The following PTGIR variants were observed in gnomAD, a reference collection of about 807,000 sequenced individuals.
PTGIR encodes the protein prostacyclin receptor.
A neutral mutation model predicts 17.6 loss-of-function variants in PTGIR; 16 were observed. That is an observed-to-expected ratio of 0.91 (90% CI 0.61 to 1.38). The LOEUF (loss-of-function observed/expected upper bound fraction) is 1.38. Among genes scored for constraint, PTGIR ranks in the 40% most tolerant of loss-of-function variants. PTGIR has a pLI of 0.00. For synonymous variants in PTGIR, 274 were observed against 255.4 expected, an observed-to-expected ratio of 1.07 and a Z score of -0.69; for missense variants, 532 against 548.6, an observed-to-expected ratio of 0.97 and a Z score of 0.30.
chr19:46,611,960 G>A, the PTGIR span, among the ~76,000 whole-genome samples: 1 of 152,242 alleles, frequency 6.6e-6, no homozygotes, highest in Non-Finnish European at 1.5e-5. Context: ...GGGAAGCCTG[G>A]CCCAATCCCA....
Position 46,624,178 on chromosome 19 carries a change from C to T in PTGIR, c.48G>A (p.Gly16=), listed in dbSNP as rs201794414. 6.7e-7 allele frequency: 1 copy of T among 1,482,396 alleles called. No individual in the cohort carries two copies. The highest frequency in any genetic ancestry group is 8.9e-7 in the Non-Finnish European group (1 of 1,123,568). 91.8% of individuals were successfully genotyped at this position (1,482,396 alleles called of 1,614,324 possible). The stretch of plus-strand genomic sequence containing the variant: ...CGAACATCAGGGTGCTGGTGGCCGG[C>T]CCCACCGAGCCCCGCACGTAGGTGA... The part of the protein sequence containing the change: ...RNLTYVRGSV[G]PATSTLMFVA... The change falls in exon 2 of 3, where the codon GGG becomes GGA. Residue 16 remains glycine, a synonymous_variant. Coordinates refer to ENST00000291294, the MANE Select transcript of PTGIR (RefSeq NM_000960.4).
chr19:46,617,777 C>T (rs1329728413), downstream of PTGIR, among the ~76,000 whole-genome samples: 3 of 151,410 alleles, frequency 2.0e-5, no homozygotes, highest in Non-Finnish European at 2.9e-5. Context: ...TTTGGCCAGG[C>T]GTGGTGACAA....
the PTGIR span, chr19:46,610,858 C>G: frequency 6.5e-6 from 1 of 152,830 alleles, no homozygotes; most frequent in African/African-American, 2.4e-5. Context: ...CCAGCACTGA[C>G]TCCTTTGGCC....
chr19:46,616,772 C>G (rs1475118729), downstream of PTGIR, among the ~76,000 whole-genome samples: 1 of 152,246 alleles, frequency 6.6e-6, no homozygotes, highest in Admixed American at 6.5e-5. Context: ...CTGTCTCCCC[C>G]ACCAAACTGA....
rs894128032 is a variant in PTGIR at position 46,620,558 on chromosome 19, G to A, written c.*722C>T. On this transcript the variant is annotated 3_prime_UTR_variant, in exon 3 of 3. Coordinates refer to ENST00000291294, the MANE Select transcript of PTGIR (RefSeq NM_000960.4). ...TGTTCTGGGGCAGTCCCTGGGATCC[G>A]CAGCCCCCACCCTTCATCTGCCAGC... is the stretch of plus-strand genomic sequence containing the variant. 10 of 985,236 alleles carry A rather than the reference G, an allele frequency of 1.0e-5. No homozygotes were observed. The Admixed American group carries it at 1.8e-4, about 18-fold the overall frequency. 61.0% of individuals were successfully genotyped at this position (985,236 alleles called of 1,614,324 possible).
intron 1 of PTGIR, chr19:46,624,444 TTCTC>T: frequency 2.2e-6 from 1 of 446,482 alleles, no homozygotes; most frequent in Non-Finnish European, 3.9e-6. Flanking sequence ...CTGTTTCTCT[TTCTC>T]TCTTTCTTTT....
At chr19:46,616,767 T>G (rs1971968313), downstream of PTGIR, among the ~76,000 whole-genome samples, 1 of 152,080 alleles carries the variant, frequency 6.6e-6, no homozygotes, top group Non-Finnish European at 1.5e-5. Flanking sequence ...CAGGGCTGTC[T>G]CCCCCACCAA....
Position 46,623,742 on chromosome 19 carries a change from G to A in PTGIR, c.484C>T (p.Gln162Ter). The change falls in exon 2 of 3, where the codon CAG becomes TAG. Residue 162 changes from glutamine to a stop codon, truncating the protein, a stop_gained. Coordinates refer to ENST00000291294, the MANE Select transcript of PTGIR (RefSeq NM_000960.4). LOFTEE classifies it high-confidence loss of function. ...CACCAGCTGCCGGGGCAGTACTGCT[G>A]GTGTTGGCCCAGGCCCAGCAGGGGC... is the stretch of plus-strand genomic sequence containing the variant. ...ALPLLGLGQH[Q>*]QYCPGSWCFL... 2 of 1,597,292 alleles carry A rather than the reference G, an allele frequency of 1.3e-6. No individual in the cohort carries two copies. Among genetic ancestry groups the A allele is most frequent in the Non-Finnish European group, 1.7e-6 (2 of 1,175,084 alleles).
downstream of PTGIR, among the ~76,000 whole-genome samples, chr19:46,617,844 CTT>C (rs61603656): frequency 3.7e-4 from 51 of 138,498 alleles, no homozygotes; most frequent in African/African-American, 1.3e-3. Context: ...TTAACAAGGG[CTT>C]TTTTTTTTTT....
downstream of PTGIR, among the ~76,000 whole-genome samples, chr19:46,619,117 C>A (rs1311406029): frequency 6.6e-6 from 1 of 152,098 alleles, no homozygotes. Context: ...GATAGACGGG[C>A]CTGCTCCAAG....
At position 46,621,582 on chromosome 19, in the gene PTGIR, G is replaced by C. The variant is rs752102069; in HGVS notation, c.859C>G (p.Leu287Val). ...AFRFYAFNPILDPWVFILFRK... is the reference protein window; with the variant it reads ...AFRFYAFNPIVDPWVFILFRK... ...AAAAGGATGAAGACCCAGGGGTCCA[G>C]GATGGGGTTGAAGGCGTAGAAGCGG... is the stretch of plus-strand genomic sequence containing the variant. Residue 287 changes from leucine to valine, a missense_variant, in exon 3 of 3, where the codon CTG becomes GTG. By Grantham distance (32) the Leu-to-Val change is conservative. Coordinates refer to ENST00000291294, the MANE Select transcript of PTGIR (RefSeq NM_000960.4). This position sits in a 1 kb window ranked among gnomAD's most constrained non-coding sequence, Gnocchi z 4.8. 4 of 1,613,884 alleles carry C rather than the reference G, an allele frequency of 2.5e-6. No homozygotes were observed. The highest frequency in any genetic ancestry group is 2.5e-6 in the Non-Finnish European group (3 of 1,180,060).
downstream of PTGIR, among the ~76,000 whole-genome samples, chr19:46,616,326 CT>C (rs1021116711): frequency 9.5e-3 from 631 of 66,526 alleles, 2 homozygotes; most frequent in Non-Finnish European, 0.011. Flanking sequence ...GACAGAAATG[CT>C]TTTTTTTTTT....
chr19:46,619,551 G>GAAAGAA (rs1568675534), downstream of PTGIR, among the ~76,000 whole-genome samples: 529 of 66,324 alleles, frequency 8.0e-3, 1 homozygote, highest in Middle Eastern at 0.013. Flanking sequence ...GAAAGAAAGA[G>GAAAGAA]AGAGAGAGAG....
downstream of PTGIR, among the ~76,000 whole-genome samples, chr19:46,615,705 A>C (rs2122291714): frequency 6.6e-6 from 1 of 151,410 alleles, no homozygotes; most frequent in African/African-American, 2.4e-5. Flanking sequence ...ACGGGGTTTC[A>C]CTGTGTTAGC....
At position 46,621,648 on chromosome 19, in the gene PTGIR, C is replaced by T. The variant is rs200508770; in HGVS notation, c.793G>A (p.Ala265Thr). 101 of 1,612,566 alleles carry T rather than the reference C, an allele frequency of 6.3e-5. No homozygotes were observed. Among genetic ancestry groups the T allele is most frequent in the Non-Finnish European group, 8.2e-5 (97 of 1,179,618 alleles). Residue 265 changes from alanine (A) to threonine (T), a missense_variant, in exon 3 of 3, where the codon GCC (alanine) becomes ACC (threonine). Transcript: ENST00000291294. The surrounding 1 kb of genome is among the most constrained non-coding windows in gnomAD (Gnocchi z 4.8). Reference sequence around the variant, plus strand: ...CCCATCTCACTGCTGCTGTCAGGGGCGACAGCCTGGGTGAAGCAGCGGATC... The same window carrying T: ...CCCATCTCACTGCTGCTGTCAGGGGTGACAGCCTGGGTGAAGCAGCGGATC... ...LTIRCFTQAV[A>T]PDSSSEMGDL...
chr19:46,624,354 C>CCAGTTCT (rs1386552656), intron 1 of PTGIR, 117 bp from the exon 2 acceptor site: 3 of 951,760 alleles, frequency 3.2e-6, no homozygotes, highest in Non-Finnish European at 4.4e-6. Context: ...CAGCCAACCC[C>CCAGTTCT]CAGTTCTCCT....
the PTGIR span, among the ~76,000 whole-genome samples, chr19:46,613,584 G>A: frequency 6.6e-6 from 1 of 151,968 alleles, no homozygotes. Flanking sequence ...CGCCCGCCTC[G>A]GCCTCCCAAA....
downstream of PTGIR, among the ~76,000 whole-genome samples, chr19:46,616,506 G>A (rs1055780608): frequency 6.6e-6 from 1 of 151,658 alleles, no homozygotes; most frequent in Admixed American, 6.6e-5. Flanking sequence ...GCTAATTTTT[G>A]TATTTTTAGT....
downstream of PTGIR, among the ~76,000 whole-genome samples, chr19:46,619,585 A>AGAGAGAGAGAG (rs1972020533): frequency 7.9e-6 from 1 of 127,068 alleles, no homozygotes; most frequent in African/African-American, 2.9e-5. Context: ...GAGAGAGAGA[A>AGAGAGAGAGAG]AGAAAGAAAA....
Sources: allele counts gnomAD v4.1 joint callset (sites outside exome capture counted in the v4.1 genomes callset), GRCh38; gene constraint gnomAD v4.1.1; non-coding constraint Gnocchi (gnomAD v3.1); transcripts MANE v1.5; gene names NCBI Gene and HGNC (gene_info 2026-07-23, HGNC 2026-07-21).